The following ARHGEF28 variants were observed in gnomAD, a reference collection of about 807,000 sequenced individuals.
The protein encoded by ARHGEF28 is Rho guanine nucleotide exchange factor 28, also known as 190 kDa guanine nucleotide exchange factor.
In ARHGEF28, 152 loss-of-function variants were observed where a neutral mutation model predicts 206.6. That is an observed-to-expected ratio of 0.74 (90% CI 0.64 to 0.84). ARHGEF28 has a LOEUF of 0.84. Ranked by LOEUF, ARHGEF28 falls within the 40% of genes least tolerant of loss-of-function variation. The pLI, the probability that ARHGEF28 is intolerant of heterozygous loss-of-function variation, is 0.00. For missense variants in ARHGEF28, 2,028 were observed against 2,073.2 expected, an observed-to-expected ratio of 0.98 and a Z score of 0.42; for synonymous variants, 763 against 776.4, an observed-to-expected ratio of 0.98 and a Z score of 0.29.
rs151066851 is a variant in ARHGEF28, at chr5:73,804,066, C to T, written c.1024+8675C>T. ...CACCATTGCACTCCAGCCTGGATGA[C>T]AGAGTGAGACCCTGTCAAAAAAAAA... On this transcript the variant is annotated intron_variant, in intron 9 of 35. Coordinates refer to ENST00000513042, the MANE Select transcript of ARHGEF28 (RefSeq NM_001177693.2). Among the ~76,000 whole-genome samples, 1,003 of 112,798 alleles carry T rather than the reference C, an allele frequency of 8.9e-3. 15 individuals are homozygous for T. Among genetic ancestry groups the T allele is most frequent in the African/African-American group, 0.031 (876 of 28,312 alleles). The allele number at this position is 112,798 out of a possible 152,430, so 74.0% of individuals were successfully genotyped here. A position where few individuals can be genotyped will look rare whatever the true frequency, so the allele number is the denominator to read the frequency against.
Position 73,873,252 on chromosome 5 carries a change from A to G in ARHGEF28, c.2814+6A>G. The G allele has an allele frequency of 6.2e-7, 1 of 1,605,830 alleles. No homozygotes were observed. The highest frequency in any genetic ancestry group is 8.5e-7 in the Non-Finnish European group (1 of 1,174,656). ...GAGATATTTTGGTACAACAGGTAAG[A>G]AGAGCTTAAAGTCCTTGACCTTTAT... On this transcript the variant is annotated splice_donor_region_variant and intron_variant, in intron 22 of 35. Transcript: ENST00000513042.
intron 35 of ARHGEF28, among the ~76,000 whole-genome samples, chr5:73,922,183 A>G (rs560281535): frequency 5.9e-5 from 9 of 152,342 alleles, no homozygotes; most frequent in Non-Finnish European, 1.2e-4. Context: ...ATAGGATTCT[A>G]TAAGTTTTCG....
chr5:73,859,191 G>A (rs1222210899), intron 16 of ARHGEF28, among the ~76,000 whole-genome samples: 3 of 152,134 alleles, frequency 2.0e-5, no homozygotes, highest in Non-Finnish European at 2.9e-5. Flanking sequence ...TGTTGAATTT[G>A]TTCTCTGCTA....
intron 3 of ARHGEF28, among the ~76,000 whole-genome samples, chr5:73,750,442 G>C (rs881527): frequency 0.32 from 49,211 of 151,544 alleles, 8,690 homozygotes; most frequent in African/African-American, 0.46. Flanking sequence ...TGCTTGCTCC[G>C]TTTGGTCACT....
chr5:73,888,820 TTAAG>T (rs1761455419), intron 26 of ARHGEF28, among the ~76,000 whole-genome samples: 1 of 152,112 alleles, frequency 6.6e-6, no homozygotes, highest in African/African-American at 2.4e-5. Flanking sequence ...ACATTTACCA[TTAAG>T]TGAGGTATTA....
At chr5:73,798,172 A>C (rs1394959851) in intron 9 of ARHGEF28, among the ~76,000 whole-genome samples, 1 of 152,184 alleles carries the variant, frequency 6.6e-6, no homozygotes, top group African/African-American at 2.4e-5. Flanking sequence ...TGAAATAAGC[A>C]CATCATGGGG....
chr5:73,879,229 C>G (rs1760746679), intron 22 of ARHGEF28, among the ~76,000 whole-genome samples: 1 of 152,236 alleles, frequency 6.6e-6, no homozygotes, highest in Admixed American at 6.5e-5. Flanking sequence ...GCTCCTGAGG[C>G]TTCTGCATTC....
At chr5:73,913,564 C>T (rs1336104676) in intron 35 of ARHGEF28, among the ~76,000 whole-genome samples, 3 of 152,192 alleles carry the variant, frequency 2.0e-5, no homozygotes, top group Non-Finnish European at 4.4e-5. Flanking sequence ...TCCGTGGGCG[C>T]TTGCCACACA....
At chr5:73,726,834 T>G (rs971285867) in intron 2 of ARHGEF28, among the ~76,000 whole-genome samples, 1 of 152,196 alleles carries the variant, frequency 6.6e-6, no homozygotes, top group African/African-American at 2.4e-5. Context: ...TTCCCTTCAG[T>G]GTTGAGTGGT....
chr5:73,675,687 C>T (rs1402606533), intron 1 of ARHGEF28, among the ~76,000 whole-genome samples: 2 of 141,890 alleles, frequency 1.4e-5, no homozygotes, highest in African/African-American at 2.7e-5. Flanking sequence ...GAGCCAAGAT[C>T]GCACCACTGC....
intron 1 of ARHGEF28, among the ~76,000 whole-genome samples, chr5:73,672,407 G>A (rs1351228513): frequency 6.6e-6 from 1 of 152,224 alleles, no homozygotes; most frequent in East Asian, 1.9e-4. Context: ...ACATTACCAT[G>A]TTCTGCCAGT....
At chr5:73,739,868 A>T (rs537397982) in intron 2 of ARHGEF28, among the ~76,000 whole-genome samples, 1 of 145,494 alleles carries the variant, frequency 6.9e-6, no homozygotes, top group African/African-American at 2.6e-5. Flanking sequence ...AATAAATAAA[A>T]ATAAAAAATA....
In ARHGEF28 at chr5:73,882,528, T is replaced by A; in HGVS notation, c.2871T>A (p.His957Gln). The A allele has an allele frequency of 6.6e-7, 1 of 1,510,342 alleles. No individual in the cohort carries two copies. Among genetic ancestry groups the A allele is most frequent in the Non-Finnish European group, 8.9e-7 (1 of 1,118,516 alleles). The allele number at this position is 1,510,342 out of a possible 1,614,324, so 93.6% of individuals were successfully genotyped here. A position where few individuals can be genotyped will look rare whatever the true frequency, so the allele number is the denominator to read the frequency against. ...AAATATATGGAGAATTCTGTTGCCA[T>A]CATAAAGAAGCTGTTAACCTCTTTA... is the stretch of plus-strand genomic sequence containing the variant. The part of the protein sequence containing the change: ...MKKIYGEFCC[H>Q]HKEAVNLFKE... The change falls in exon 23 of 36, where the codon CAT becomes CAA. Residue 957 changes from histidine to glutamine, a missense_variant. Around this residue, in one of 3 missense-constraint regions of ARHGEF28, gnomAD observed 223 missense variants for 289.9 expected, o/e 0.77. Coordinates refer to ENST00000513042, the MANE Select transcript of ARHGEF28 (RefSeq NM_001177693.2).
Position 73,844,377 on chromosome 5 carries a change from C to T in ARHGEF28, c.1428-1891C>T, listed in dbSNP as rs1346314450. Among the ~76,000 whole-genome samples the T allele has an allele frequency of 7.2e-5, 11 of 152,074 alleles. No homozygotes were observed. The East Asian group carries it at 1.5e-3, about 21-fold the overall frequency. On this transcript the variant is annotated intron_variant, in intron 11 of 35. Coordinates refer to ENST00000513042, the MANE Select transcript of ARHGEF28 (RefSeq NM_001177693.2). ...TACAAGACATGGGCAAGCTTCAGCC[C>T]GCCTTGAAATCTCCTTCCGTCTCAG...
chr5:73,853,773 T>G (rs1487309231), intron 14 of ARHGEF28, among the ~76,000 whole-genome samples: 1 of 152,226 alleles, frequency 6.6e-6, no homozygotes, highest in African/African-American at 2.4e-5. Context: ...ACTTCCTCAT[T>G]CTGGAATTTG....
rs539978543 is a variant in ARHGEF28, at chr5:73,929,435, A to G, written c.4949-11409A>G. Among the ~76,000 whole-genome samples the G allele has an allele frequency of 1.4e-4, 22 of 152,346 alleles. No individual in the cohort carries two copies. The East Asian group carries it at 3.9e-3, about 27-fold the overall frequency. The stretch of plus-strand genomic sequence containing the variant: ...AAGAAAAAGTTAATAATTCCATAAT[A>G]TCAACATATAGTCATATGTTTAGAT... On this transcript the variant is annotated intron_variant, in intron 35 of 35. Coordinates refer to ENST00000513042, the MANE Select transcript of ARHGEF28 (RefSeq NM_001177693.2).
chr5:73,778,597 G>A (rs1753663157), intron 6 of ARHGEF28, among the ~76,000 whole-genome samples: 1 of 152,180 alleles, frequency 6.6e-6, no homozygotes, highest in Non-Finnish European at 1.5e-5. Flanking sequence ...TATGGCTGAT[G>A]TGAGCAGAGA....
intron 16 of ARHGEF28, among the ~76,000 whole-genome samples, chr5:73,861,901 A>G (rs746523586): frequency 6.6e-6 from 1 of 152,138 alleles, no homozygotes; most frequent in Non-Finnish European, 1.5e-5. Flanking sequence ...GCTTATTCAT[A>G]TTAAGGTTTT....
At chr5:73,729,000 T>C (rs796983170) in intron 2 of ARHGEF28, among the ~76,000 whole-genome samples, 9 of 152,232 alleles carry the variant, frequency 5.9e-5, no homozygotes, top group African/African-American at 1.9e-4. Context: ...CTCATAAATA[T>C]CACTGCAGTC....
Sources: allele counts gnomAD v4.1 joint callset (sites outside exome capture counted in the v4.1 genomes callset), GRCh38; gene constraint gnomAD v4.1.1; regional missense constraint gnomAD v4.1.1; transcripts MANE v1.5; gene names NCBI Gene and HGNC (gene_info 2026-07-23, HGNC 2026-07-21).